The following TANC1 variants were observed in gnomAD, a reference collection of about 807,000 sequenced individuals.
TANC1 encodes the protein tetratricopeptide repeat, ankyrin repeat and coiled-coil containing 1, also known as protein TANC1.
Under a neutral mutation model 149.7 loss-of-function variants are expected in TANC1, and 77 were observed. The observed-to-expected ratio is 0.51, with a 90% CI of 0.43 to 0.62. The LOEUF (loss-of-function observed/expected upper bound fraction) is 0.62. Among genes scored for constraint, TANC1 ranks in the 20% least tolerant of loss-of-function variants. The pLI is 0.00. For synonymous variants in TANC1, 854 were observed against 925.0 expected (o/e 0.92, Z 1.39); for missense variants, 1,985 against 2,321.8 (o/e 0.85, Z 2.98).
intron 14 of TANC1, among the ~76,000 whole-genome samples, chr2:159,182,803 A>C (rs1174827347): frequency 6.6e-6 from 1 of 150,800 alleles, no homozygotes; most frequent in Non-Finnish European, 1.5e-5. Flanking sequence ...GAAGCCACTG[A>C]TGACCATTTT....
chr2:159,077,568 C>G (rs1333710776), intron 3 of TANC1, among the ~76,000 whole-genome samples: 2 of 152,090 alleles, frequency 1.3e-5, no homozygotes, highest in African/African-American at 4.8e-5. Flanking sequence ...CTTAAGAAAC[C>G]CCACATGGAC....
At chr2:159,148,861 C>G (rs372833122) in intron 5 of TANC1, 3 of 266,738 alleles carry the variant, frequency 1.1e-5, no homozygotes, top group African/African-American at 4.4e-5. Context: ...CTGAAGTACC[C>G]GTTTTCACAT....
At chr2:159,052,156 C>CA (rs1299368057) in intron 2 of TANC1, among the ~76,000 whole-genome samples, 1 of 152,020 alleles carries the variant, frequency 6.6e-6, no homozygotes, top group Non-Finnish European at 1.5e-5. Context: ...AGGAGAGCAC[C>CA]AAGAAAACAA....
chr2:159,034,300 T>G (rs1430547929), intron 2 of TANC1, among the ~76,000 whole-genome samples: 1 of 152,224 alleles, frequency 6.6e-6, no homozygotes, highest in Non-Finnish European at 1.5e-5. Context: ...TTCAGCTCTC[T>G]TCCCTGGTCC....
chr2:159,125,211 A>G (rs997726307), intron 4 of TANC1, among the ~76,000 whole-genome samples: 6 of 152,042 alleles, frequency 3.9e-5, no homozygotes, highest in African/African-American at 1.4e-4. Context: ...CAGCCACACA[A>G]CCTGCTTTAT....
chr2:159,193,196 T>G (rs1471152760), intron 16 of TANC1, among the ~76,000 whole-genome samples: 1 of 152,200 alleles, frequency 6.6e-6, no homozygotes, highest in Non-Finnish European at 1.5e-5. Flanking sequence ...ACTGTATATA[T>G]CTCATAAGTA....
chr2:159,103,640 G>T lies in TANC1; in HGVS notation c.259+5806G>T, dbSNP rs562039550. Among the ~76,000 whole-genome samples, 4 of 96,618 alleles carry T rather than the reference G, an allele frequency of 4.1e-5. 2 individuals are homozygous for T. Among genetic ancestry groups the T allele is most frequent in the Non-Finnish European group, 1.2e-4 (4 of 34,678 alleles). 63.4% of individuals were successfully genotyped at this position (96,618 alleles called of 152,430 possible). ...ATTCAGTTGGCTCCCAGTTTCAGCC[G>T]CCTGGTGCGGATCCTAGAGATCATG... On this transcript the variant is annotated intron_variant, in intron 4 of 26. Transcript: ENST00000263635.
chr2:158,981,493 A>C, intron 1 of TANC1, among the ~76,000 whole-genome samples: 1 of 48,560 alleles, frequency 2.1e-5, no homozygotes, highest in Non-Finnish European at 4.4e-5. Context: ...TATAGCTTTT[A>C]TATATATATA....
At chr2:159,032,948 G>C (rs534740120) in intron 2 of TANC1, among the ~76,000 whole-genome samples, 1 of 152,272 alleles carries the variant, frequency 6.6e-6, no homozygotes, top group African/African-American at 2.4e-5. Flanking sequence ...ACTCTTGCCT[G>C]AATCAATTTT....
At chr2:159,015,686 A>G (rs1012161450) in intron 2 of TANC1, among the ~76,000 whole-genome samples, 4 of 152,006 alleles carry the variant, frequency 2.6e-5, no homozygotes, top group Non-Finnish European at 4.4e-5. Flanking sequence ...CTGCTTAGAA[A>G]TTTTTTCTGT....
chr2:158,983,584 A>AT (rs1008518767), intron 1 of TANC1, among the ~76,000 whole-genome samples: 7 of 151,974 alleles, frequency 4.6e-5, no homozygotes, highest in African/African-American at 1.7e-4. Flanking sequence ...TAAAAAATCA[A>AT]TTTTTTTACT....
Position 159,176,422 on chromosome 2 carries a change from T to C in TANC1, c.1806T>C (p.Pro602=), listed in dbSNP as rs371792713. The C allele has an allele frequency of 1.9e-6, 3 of 1,583,492 alleles. No individual in the cohort carries two copies. Among genetic ancestry groups the C allele is most frequent in the African/African-American group, 2.7e-5 (2 of 73,592 alleles). The change falls in exon 13 of 27, where the codon CCT becomes CCC. Residue 602 remains proline, a synonymous_variant. Transcript: ENST00000263635. ...TAAATGAAGCTGAGTTTCATAAACCTGATTATGGAGATACGCTTTCTTCAT... is the reference window on the plus strand; with the variant it reads ...TAAATGAAGCTGAGTTTCATAAACCCGATTATGGAGATACGCTTTCTTCAT... The part of the protein sequence containing the change: ...DGLNEAEFHK[P]DYGDTLSSFI...
At chr2:159,123,317 G>A (rs1051296061) in intron 4 of TANC1, among the ~76,000 whole-genome samples, 3 of 152,104 alleles carry the variant, frequency 2.0e-5, no homozygotes, top group African/African-American at 7.2e-5. Flanking sequence ...GAGAAGGCTG[G>A]GATAGTCTTG....
intron 4 of TANC1, among the ~76,000 whole-genome samples, chr2:159,113,004 G>C (rs868383743): frequency 6.6e-6 from 1 of 151,800 alleles, no homozygotes; most frequent in South Asian, 2.1e-4. Flanking sequence ...GGGGAATCTC[G>C]GCTCATTGCA....
At chr2:159,002,049 A>G (rs1055177280) in intron 2 of TANC1, among the ~76,000 whole-genome samples, 2 of 152,196 alleles carry the variant, frequency 1.3e-5, no homozygotes, top group African/African-American at 2.4e-5. Context: ...AAAAAGTCCA[A>G]GTGACACCAA....
chr2:159,155,610 C>T (rs943938405), intron 7 of TANC1, among the ~76,000 whole-genome samples: 8 of 152,300 alleles, frequency 5.3e-5, no homozygotes, highest in African/African-American at 1.4e-4. Context: ...AGGCATGAGC[C>T]GCCACATTCC....
intron 1 of TANC1, among the ~76,000 whole-genome samples, chr2:158,983,545 A>C (rs990902856): frequency 1.2e-4 from 18 of 152,078 alleles, no homozygotes; most frequent in Admixed American, 2.6e-4. Flanking sequence ...TATTGCTAAC[A>C]AACTCTGGTT....
chr2:158,983,434 T>TCCA (rs1173224305), intron 1 of TANC1, among the ~76,000 whole-genome samples: 19 of 123,310 alleles, frequency 1.5e-4, no homozygotes, highest in African/African-American at 6.3e-4. Flanking sequence ...GCCACTGCAC[T>TCCA]CCAGCCTGGG....
intron 3 of TANC1, 33 bp from the exon 4 acceptor site, chr2:159,097,604 T>C (rs778178983): frequency 6.6e-7 from 1 of 1,525,544 alleles, no homozygotes; most frequent in Non-Finnish European, 9.1e-7. Context: ...AATGAATGGA[T>C]GGTTTAACCT....
Sources: gnomAD v4.1 joint callset for allele counts (sites outside exome capture counted in the v4.1 genomes callset) on GRCh38, gnomAD v4.1.1 for gene constraint, MANE v1.5 for transcripts, NCBI Gene and HGNC (gene_info 2026-07-23, HGNC 2026-07-21) for gene names.